Variants in MEGF11 observed in about 807,000 individuals in gnomAD.
MEGF11 encodes the protein multiple EGF like domains 11.
A neutral mutation model predicts 146.6 loss-of-function variants in MEGF11; 126 were observed. The ratio of observed to expected loss-of-function variants is 0.86; its 90% CI spans 0.74 to 1.00. The LOEUF (loss-of-function observed/expected upper bound fraction) is 1.00. Ranked by LOEUF, MEGF11 falls within the 50% of genes least tolerant of loss-of-function variation. The pLI is 0.00. For missense variants in MEGF11, 1,509 were observed against 1,521.2 expected (o/e 0.99, Z 0.13); for synonymous variants, 532 against 583.4 (o/e 0.91, Z 1.27).
chr15:65,972,002 G>C (rs2081313756), intron 7 of MEGF11, among the ~76,000 whole-genome samples: 2 of 152,130 alleles, frequency 1.3e-5, no homozygotes, highest in Non-Finnish European at 2.9e-5. Flanking sequence ...AGGATATCCA[G>C]AGAATAGGAA....
At chr15:66,148,353 G>A (rs2089448801) in intron 1 of MEGF11, among the ~76,000 whole-genome samples, 1 of 152,240 alleles carries the variant, frequency 6.6e-6, no homozygotes. Flanking sequence ...TATCTGCCCT[G>A]TTCTCTGGCC....
chr15:66,111,134 C>T (rs1013914672), intron 4 of MEGF11, among the ~76,000 whole-genome samples: 2 of 152,174 alleles, frequency 1.3e-5, no homozygotes, highest in Non-Finnish European at 2.9e-5. Context: ...AGTTTTCTGT[C>T]CTGTAAAAGG....
chr15:65,933,180 A>G (rs986103047), intron 10 of MEGF11, among the ~76,000 whole-genome samples: 5 of 152,078 alleles, frequency 3.3e-5, no homozygotes, highest in Admixed American at 6.5e-5. Flanking sequence ...TCTTTCCCCC[A>G]CCAGTCCCCA....
At chr15:66,186,355 C>T (rs1411954580) in intron 1 of MEGF11, among the ~76,000 whole-genome samples, 2 of 152,140 alleles carry the variant, frequency 1.3e-5, no homozygotes, top group Non-Finnish European at 2.9e-5. Context: ...CCAGCAGCCC[C>T]TGGGCCCTCT....
intron 1 of MEGF11, among the ~76,000 whole-genome samples, chr15:66,243,081 G>C (rs1296979907): frequency 6.6e-6 from 1 of 152,120 alleles, no homozygotes; most frequent in African/African-American, 2.4e-5. Context: ...GCTTCTCAGA[G>C]CAAAGAATGA....
At chr15:66,137,658 A>C (rs892153418) in intron 1 of MEGF11, among the ~76,000 whole-genome samples, 21 of 149,708 alleles carry the variant, frequency 1.4e-4, no homozygotes, top group African/African-American at 5.2e-4. Flanking sequence ...GGCTTAAGAG[A>C]GCCTCCCACC....
chr15:66,075,207 C>T (rs756969065), intron 5 of MEGF11, among the ~76,000 whole-genome samples: 1 of 152,178 alleles, frequency 6.6e-6, no homozygotes, highest in Non-Finnish European at 1.5e-5. Context: ...CTTTCTGCAT[C>T]CCCTGAATAT....
chr15:65,910,853 C>T (rs2078779861), intron 21 of MEGF11, among the ~76,000 whole-genome samples: 2 of 152,234 alleles, frequency 1.3e-5, no homozygotes, highest in South Asian at 4.1e-4. Context: ...GCTAGGAGTC[C>T]TGAGATTCCC....
Position 66,119,109 on chromosome 15 carries a change from T to C in MEGF11, c.278A>G (p.Tyr93Cys). The C allele has an allele frequency of 1.9e-6, 3 of 1,550,516 alleles. No homozygotes were observed. Among genetic ancestry groups the C allele is most frequent in the South Asian group, 1.2e-5 (1 of 84,012 alleles). The stretch of plus-strand genomic sequence containing the variant: ...ACGTATGCAGAAGTCTCCGCTCTCA[T>C]AGTAGCCAGGGCAGCACTGGGACCT... ...RRRSQCCPGY[Y>C]ESGDFCIPLC... Residue 93 changes from tyrosine to cysteine, a missense_variant, in exon 4 of 26, where the codon TAT becomes TGT. By Grantham distance (194) the Tyr-to-Cys change is radical. Coordinates refer to ENST00000395614, the MANE Select transcript of MEGF11 (RefSeq NM_001385028.1).
At chr15:66,036,052 C>T (rs565362478) in intron 5 of MEGF11, among the ~76,000 whole-genome samples, 83 of 152,322 alleles carry the variant, frequency 5.4e-4, no homozygotes, top group African/African-American at 1.9e-3. Flanking sequence ...GGCTTTCTCC[C>T]GAGTTCCAGG....
At chr15:66,009,722 A>G (rs1171677560) in intron 5 of MEGF11, among the ~76,000 whole-genome samples, 1 of 151,772 alleles carries the variant, frequency 6.6e-6, no homozygotes, top group African/African-American at 2.4e-5. Context: ...CCTCCCGAGT[A>G]GCTGGGACTA....
At chr15:66,005,996 C>T (rs576459004) in intron 5 of MEGF11, among the ~76,000 whole-genome samples, 1 of 152,310 alleles carries the variant, frequency 6.6e-6, no homozygotes, top group African/African-American at 2.4e-5. Context: ...AAGAGTAAAA[C>T]TGAATCAGAT....
At chr15:66,220,128 AC>A (rs1354446500) in intron 1 of MEGF11, among the ~76,000 whole-genome samples, 5 of 152,172 alleles carry the variant, frequency 3.3e-5, no homozygotes, top group African/African-American at 1.2e-4. Context: ...TACAAGCAGC[AC>A]AAAGGCCTGG....
intron 5 of MEGF11, among the ~76,000 whole-genome samples, chr15:65,984,525 C>CA (rs35017296): frequency 0.054 from 2,676 of 49,420 alleles, 510 homozygotes; most frequent in African/African-American, 0.2. Context: ...GACTCCGTGT[C>CA]AAAAAAAAAA....
chr15:66,094,628 G>C, intron 4 of MEGF11, 134 bp from the exon 5 acceptor site: 3 of 696,414 alleles, frequency 4.3e-6, no homozygotes, highest in Admixed American at 2.6e-5. Flanking sequence ...CTGGCTTGGG[G>C]GGGAAAATCA....
At chr15:66,203,080 G>C (rs1289475014) in intron 1 of MEGF11, among the ~76,000 whole-genome samples, 4 of 152,094 alleles carry the variant, frequency 2.6e-5, no homozygotes, top group African/African-American at 9.7e-5. Flanking sequence ...CCAGATCCTG[G>C]ACTCACAAAA....
chr15:66,194,878 A>C (rs766135595), intron 1 of MEGF11, among the ~76,000 whole-genome samples: 2 of 152,192 alleles, frequency 1.3e-5, no homozygotes, highest in Non-Finnish European at 2.9e-5. Context: ...AATAACAAAC[A>C]TAATGCAAAG....
At chr15:66,049,870 T>G (rs1179507489) in intron 5 of MEGF11, among the ~76,000 whole-genome samples, 1 of 152,190 alleles carries the variant, frequency 6.6e-6, no homozygotes, top group Non-Finnish European at 1.5e-5. Context: ...AGTCACGGCG[T>G]CTAGCCCAGC....
chr15:66,231,699 C>T (rs923463232), intron 1 of MEGF11, among the ~76,000 whole-genome samples: 3 of 152,160 alleles, frequency 2.0e-5, no homozygotes, highest in Non-Finnish European at 4.4e-5. Flanking sequence ...CTTCACAGGC[C>T]CTTTGGGCAG....
Sources: gnomAD v4.1 joint callset for allele counts (sites outside exome capture counted in the v4.1 genomes callset) on GRCh38, gnomAD v4.1.1 for gene constraint, MANE v1.5 for transcripts, NCBI Gene and HGNC (gene_info 2026-07-23, HGNC 2026-07-21) for gene names.